KLHL32: variants seen among roughly 807,000 people sequenced by gnomAD.
KLHL32 encodes the protein kelch-like protein 32.
KLHL32 carries 35 observed loss-of-function variants against 64.8 expected under a neutral mutation model. The ratio of observed to expected loss-of-function variants is 0.54; its 90% confidence interval spans 0.41 to 0.72. The LOEUF is 0.72. Ranked by LOEUF, KLHL32 falls within the 30% of genes least tolerant of loss-of-function variation. The probability of loss-of-function intolerance (pLI) is 0.00; values close to 1 mark genes in which losing one functional copy is unlikely to be tolerated. For synonymous variants in KLHL32, 259 were observed against 281.0 expected, an observed-to-expected ratio of 0.92 and a Z score of 0.78; for missense variants, 589 against 768.5, an observed-to-expected ratio of 0.77 and a Z score of 2.76.
chr6:96,953,308 G>C (rs1008944868), intron 1 of KLHL32, among the ~76,000 whole-genome samples: 1 of 147,532 alleles, frequency 6.8e-6, no homozygotes, highest in African/African-American at 2.5e-5. Flanking sequence ...TGTTTGAGTT[G>C]ATTGGTTTCC....
the KLHL32 span, among the ~76,000 whole-genome samples, chr6:96,899,548 T>C: frequency 6.6e-6 from 1 of 152,212 alleles, no homozygotes; most frequent in Non-Finnish European, 1.5e-5. Flanking sequence ...AATTCACACA[T>C]TCCAATAGAG....
chr6:97,013,097 G>A (rs77291845), intron 3 of KLHL32, among the ~76,000 whole-genome samples: 8,429 of 152,148 alleles, frequency 0.055, 446 homozygotes, highest in African/African-American at 0.14. Flanking sequence ...ACCCCTCCTA[G>A]CCTTTACATA....
intron 1 of KLHL32, among the ~76,000 whole-genome samples, chr6:96,964,587 A>AGCTT (rs1236709237): frequency 6.6e-6 from 1 of 152,208 alleles, no homozygotes; most frequent in Non-Finnish European, 1.5e-5. Context: ...CGGGAGGCGG[A>AGCTT]GCTTGCAGTG....
intron 1 of KLHL32, among the ~76,000 whole-genome samples, chr6:96,954,312 A>ATTTTTTTT (rs71012579): frequency 8.9e-5 from 8 of 89,442 alleles, no homozygotes; most frequent in African/African-American, 2.3e-4. Context: ...CTTTCCTTCA[A>ATTTTTTTT]TTTTTTTTTT....
chr6:96,947,995 C>T (rs1386711688), intron 1 of KLHL32, among the ~76,000 whole-genome samples: 1 of 152,104 alleles, frequency 6.6e-6, no homozygotes, highest in Non-Finnish European at 1.5e-5. Context: ...GTATGATGCT[C>T]CTAAATGTTT....
intron 4 of KLHL32, among the ~76,000 whole-genome samples, chr6:97,055,614 A>G (rs1787665948): frequency 6.6e-6 from 1 of 152,068 alleles, no homozygotes; most frequent in South Asian, 2.1e-4. Flanking sequence ...CCTGGCCAAC[A>G]TGGTGAAACT....
intron 6 of KLHL32, 105 bp downstream of exon 6, chr6:97,085,446 C>G: frequency 1.0e-6 from 1 of 958,938 alleles, no homozygotes; most frequent in Non-Finnish European, 1.6e-6. Context: ...CTTTGGTCCT[C>G]ATGGAGTTGT....
chr6:97,092,703 T>C (rs1226726533), intron 6 of KLHL32, among the ~76,000 whole-genome samples: 1 of 152,224 alleles, frequency 6.6e-6, no homozygotes, highest in Non-Finnish European at 1.5e-5. Flanking sequence ...TCTTTCCTTC[T>C]AATCTATATG....
rs553014474 is a variant in KLHL32 at position 96,935,611 on chromosome 6, C to CT, written c.-66+10590dup. 2.2e-4 allele frequency among the ~76,000 whole-genome samples: 33 copies of CT among 152,292 alleles called. 1 individual carries two copies. Among genetic ancestry groups the CT allele is most frequent in the Admixed American group, 1.8e-3 (28 of 15,304 alleles). On this transcript the variant is annotated intron_variant, in intron 1 of 10. Coordinates refer to ENST00000369261, the MANE Select transcript of KLHL32 (RefSeq NM_052904.4). ...TATTGGGCCATCCAGCCAAAATTAT[C>CT]TTTTTGGCCATCTGTGCCAAATTAT...
chr6:97,027,839 C>T (rs747972541), intron 3 of KLHL32, among the ~76,000 whole-genome samples: 5 of 152,066 alleles, frequency 3.3e-5, no homozygotes, highest in East Asian at 1.9e-4. Context: ...TTTATGACTC[C>T]GAGAATTCAG....
intron 1 of KLHL32, among the ~76,000 whole-genome samples, chr6:96,954,761 T>G: frequency 6.6e-6 from 1 of 152,288 alleles, no homozygotes; most frequent in South Asian, 2.1e-4. Flanking sequence ...ATTCTGTCAC[T>G]GGGATGAGAC....
chr6:96,936,810 T>C (rs990487518), intron 1 of KLHL32, among the ~76,000 whole-genome samples: 4 of 152,198 alleles, frequency 2.6e-5, no homozygotes, highest in Non-Finnish European at 5.9e-5. Flanking sequence ...TCCCATTGCC[T>C]TGCCCATTCC....
intron 3 of KLHL32, among the ~76,000 whole-genome samples, chr6:97,037,054 G>T (rs1784404299): frequency 6.6e-6 from 1 of 152,118 alleles, no homozygotes; most frequent in African/African-American, 2.4e-5. Context: ...AGTACATTAT[G>T]AATGTTAGCT....
At chr6:97,030,228 A>G (rs1783333997) in intron 3 of KLHL32, among the ~76,000 whole-genome samples, 1 of 152,204 alleles carries the variant, frequency 6.6e-6, no homozygotes, top group Non-Finnish European at 1.5e-5. Flanking sequence ...CTGCCATTTT[A>G]CTTATCTATG....
At chr6:97,087,616 A>C (rs955188199) in intron 6 of KLHL32, among the ~76,000 whole-genome samples, 5 of 152,230 alleles carry the variant, frequency 3.3e-5, no homozygotes, top group African/African-American at 1.2e-4. Context: ...AGGACAGGTA[A>C]TAGAAAACTG....
chr6:97,122,641 G>C (rs1005337904), intron 7 of KLHL32, among the ~76,000 whole-genome samples: 5 of 152,140 alleles, frequency 3.3e-5, no homozygotes, highest in Admixed American at 3.3e-4. Flanking sequence ...AAGAACTGGA[G>C]AAAGTTTATG....
At chr6:97,033,688 T>A (rs1227703408) in intron 3 of KLHL32, among the ~76,000 whole-genome samples, 1 of 152,044 alleles carries the variant, frequency 6.6e-6, no homozygotes, top group South Asian at 2.1e-4. Context: ...CACCAACACT[T>A]ATCTTCTGTC....
intron 5 of KLHL32, among the ~76,000 whole-genome samples, chr6:97,068,442 GTTAAT>G (rs1289621003): frequency 1.3e-5 from 2 of 152,088 alleles, no homozygotes; most frequent in Non-Finnish European, 2.9e-5. Context: ...GAATTCAGTA[GTTAAT>G]TTAAAGCAAA....
chr6:97,113,642 A>T, intron 6 of KLHL32, 141 bp from the exon 7 acceptor site: 1 of 1,174,140 alleles, frequency 8.5e-7, no homozygotes, highest in Non-Finnish European at 1.2e-6. Flanking sequence ...ATGGGCTTCA[A>T]AATATTCCAG....
Sources: allele counts gnomAD v4.1 joint callset (sites outside exome capture counted in the v4.1 genomes callset), GRCh38; gene constraint gnomAD v4.1.1; transcripts MANE v1.5; gene names NCBI Gene and HGNC (gene_info 2026-07-23, HGNC 2026-07-21).